GAD2: variants seen among roughly 807,000 people sequenced by gnomAD.
GAD2 encodes glutamate decarboxylase 2, also known as 65 kDa glutamic acid decarboxylase.
A neutral mutation model predicts 80.1 loss-of-function variants in GAD2; 22 were observed. The ratio of observed to expected loss-of-function variants is 0.27; its 90% confidence interval spans 0.20 to 0.39. GAD2 has a LOEUF of 0.39. GAD2 is among the 10% of genes least tolerant of loss of function. The pLI is 1.00. For missense variants in GAD2, 624 were observed against 738.4 expected (o/e 0.85, Z 1.80); for synonymous variants, 274 against 256.9 (o/e 1.07, Z -0.64).
intron 8 of GAD2, among the ~76,000 whole-genome samples, chr10:26,250,915 T>C (rs1844872901): frequency 6.9e-6 from 1 of 145,500 alleles, no homozygotes; most frequent in Non-Finnish European, 1.5e-5. Context: ...AGTCTTGCTC[T>C]GTCGCCCAGG....
chr10:26,268,110 G>A (rs1033863792), intron 8 of GAD2, among the ~76,000 whole-genome samples: 74 of 152,124 alleles, frequency 4.9e-4, no homozygotes, highest in Admixed American at 4.6e-3. Flanking sequence ...TAAAAACCTA[G>A]ATCAATGACC....
Position 26,270,727 on chromosome 10 carries a change from A to G in GAD2, c.1063A>G (p.Lys355Glu). Reference protein sequence around the residue: ...DPLLAVADICKKYKIWMHVDA... With the variant: ...DPLLAVADICEKYKIWMHVDA... ...CCTCTTAGCTGTCGCTGACATTTGC[A>G]AAAAGTATAAGATCTGGATGCATGT... Residue 355 changes from lysine to glutamate, a missense_variant, in exon 10 of 16, where the codon AAA becomes GAA. Lys to Glu is a moderately conservative substitution (Grantham distance 56). Coordinates refer to ENST00000376261, the MANE Select transcript of GAD2 (RefSeq NM_001134366.2). The G allele has an allele frequency of 6.2e-7, 1 of 1,613,504 alleles. No individual in the cohort carries two copies. Among genetic ancestry groups the G allele is most frequent in the South Asian group, 1.1e-5 (1 of 91,066 alleles).
chr10:26,218,036 C>T (rs770499590), intron 3 of GAD2, 45 bp downstream of exon 3: 7 of 1,529,408 alleles, frequency 4.6e-6, no homozygotes, highest in South Asian at 1.3e-5. Flanking sequence ...GCCCCTCTCT[C>T]TGCCCCGCCC....
In GAD2 at chr10:26,300,862, G is replaced by C. The variant is rs1443166312; in HGVS notation, c.1659G>C (p.Lys553Asn). The C allele has an allele frequency of 6.2e-7, 1 of 1,613,910 alleles. No individual in the cohort carries two copies. Among genetic ancestry groups the C allele is most frequent in the East Asian group, 2.2e-5 (1 of 44,862 alleles). ...TMVSYQPLGD[K>N]VNFFRMVISN... ...TCAGCTACCAACCCTTGGGAGACAA[G>C]GTCAATTTCTTCCGCATGGTCATCT... Residue 553 changes from lysine to asparagine, a missense_variant, in exon 16 of 16, where the codon AAG becomes AAC. Physicochemically the swap from Lys to Asn is moderately conservative, Grantham distance 94 (BLOSUM62 0). Coordinates refer to ENST00000376261, the MANE Select transcript of GAD2 (RefSeq NM_001134366.2).
chr10:26,275,236 C>T (rs990472835), intron 11 of GAD2, among the ~76,000 whole-genome samples: 1 of 152,192 alleles, frequency 6.6e-6, no homozygotes, highest in Non-Finnish European at 1.5e-5. Flanking sequence ...GGCCTATGTA[C>T]AGTACTTTCT....
rs1845264935 is a variant in GAD2 at position 26,281,033 on chromosome 10, A to G, written c.1182A>G (p.Pro394=). The change falls in exon 12 of 16, where the codon CCA becomes CCG. Residue 394 remains proline, a synonymous_variant. Coordinates refer to ENST00000376261, the MANE Select transcript of GAD2 (RefSeq NM_001134366.2). ...GGGCCAACTCTGTGACGTGGAATCC[A>G]CACAAGATGATGGGAGTCCCTTTGC... ...VERANSVTWN[P]HKMMGVPLQC... is the part of the protein sequence containing the mutation. 6.2e-7 allele frequency: 1 copy of G among 1,613,764 alleles called. No homozygotes were observed. Among genetic ancestry groups the G allele is most frequent in the Non-Finnish European group, 8.5e-7 (1 of 1,179,836 alleles).
chr10:26,268,295 C>T (rs543464346), intron 8 of GAD2, among the ~76,000 whole-genome samples: 10 of 152,104 alleles, frequency 6.6e-5, no homozygotes, highest in East Asian at 1.9e-4. Context: ...GGTGAAACCC[C>T]GTCTCTACTA....
chr10:26,250,517 G>A (rs1844866664), intron 8 of GAD2, among the ~76,000 whole-genome samples: 1 of 152,072 alleles, frequency 6.6e-6, no homozygotes, highest in African/African-American at 2.4e-5. Context: ...AGAAGGAGGG[G>A]TCGGGAGAGG....
At chr10:26,242,072 G>A (rs968166059) in intron 7 of GAD2, among the ~76,000 whole-genome samples, 26 of 151,920 alleles carry the variant, frequency 1.7e-4, no homozygotes, top group African/African-American at 5.3e-4. Flanking sequence ...GCCAAGCTCC[G>A]CCTCCCTGGT....
At chr10:26,222,222 A>G (rs575371295) in intron 4 of GAD2, among the ~76,000 whole-genome samples, 22 of 152,278 alleles carry the variant, frequency 1.4e-4, no homozygotes, top group Admixed American at 9.2e-4. Flanking sequence ...AGTTATCATC[A>G]GGGTGAATTG....
intron 8 of GAD2, among the ~76,000 whole-genome samples, chr10:26,255,397 G>A (rs143516888): frequency 1.5e-3 from 222 of 152,250 alleles, no homozygotes; most frequent in African/African-American, 5.1e-3. Context: ...TTGGGGTGAG[G>A]TGAGTGGTAG....
chr10:26,239,429 G>C (rs1277729297), intron 7 of GAD2, among the ~76,000 whole-genome samples: 1 of 152,126 alleles, frequency 6.6e-6, no homozygotes, highest in Non-Finnish European at 1.5e-5. Flanking sequence ...TTGAGGCATT[G>C]GGGTCCACGG....
At chr10:26,245,878 C>A in intron 7 of GAD2, 43 bp from the exon 8 acceptor site, 2 of 1,444,916 alleles carry the variant, frequency 1.4e-6, no homozygotes, top group South Asian at 2.3e-5. Flanking sequence ...TGGATCTTGT[C>A]TGTATATGGA....
intron 3 of GAD2, 101 bp downstream of exon 3, chr10:26,218,092 C>A: frequency 1.6e-6 from 2 of 1,278,378 alleles, no homozygotes; most frequent in South Asian, 1.5e-5. Flanking sequence ...ACAGGGGCGT[C>A]GAGGTGGCAG....
At chr10:26,271,905 G>C (rs570744067) in intron 10 of GAD2, among the ~76,000 whole-genome samples, 1 of 152,118 alleles carries the variant, frequency 6.6e-6, no homozygotes, top group African/African-American at 2.4e-5. Flanking sequence ...GATTACAGAC[G>C]TGCGCACCCA....
In GAD2 at chr10:26,219,854, C is replaced by T. The variant is rs8190602; in HGVS notation, c.520+578C>T. Among the ~76,000 whole-genome samples, 898 of 152,220 alleles carry T rather than the reference C, an allele frequency of 5.9e-3. 11 individuals are homozygous for T. The highest frequency in any genetic ancestry group is 0.019 in the African/African-American group (783 of 41,520). ...AACACACAAGCAGGCATGATACAGA[C>T]TAGCTTAGCAATTCAGCCATGTTAT... On this transcript the variant is annotated intron_variant, in intron 4 of 15. Coordinates refer to ENST00000376261, the MANE Select transcript of GAD2 (RefSeq NM_001134366.2).
chr10:26,253,245 G>A (rs1031153585), intron 8 of GAD2, among the ~76,000 whole-genome samples: 7 of 152,170 alleles, frequency 4.6e-5, no homozygotes, highest in Non-Finnish European at 5.9e-5. Flanking sequence ...TATTAAATTC[G>A]AAAGAAGAAA....
At chr10:26,237,580 T>G (rs1844690463) in intron 7 of GAD2, among the ~76,000 whole-genome samples, 1 of 151,936 alleles carries the variant, frequency 6.6e-6, no homozygotes, top group Non-Finnish European at 1.5e-5. Context: ...GTGATTTCCT[T>G]AAGAGGGATG....
intron 13 of GAD2, among the ~76,000 whole-genome samples, 159 bp downstream of exon 13, chr10:26,286,653 G>A (rs983138684): frequency 1.3e-5 from 2 of 152,158 alleles, no homozygotes; most frequent in African/African-American, 4.8e-5. Flanking sequence ...TTGACATGAG[G>A]AAAAATATAG....
Sources: gnomAD v4.1 joint callset for allele counts (sites outside exome capture counted in the v4.1 genomes callset) on GRCh38, gnomAD v4.1.1 for gene constraint, MANE v1.5 for transcripts, NCBI Gene and HGNC (gene_info 2026-07-23, HGNC 2026-07-21) for gene names.